The following PIBF1 variants were observed in gnomAD, a reference collection of about 807,000 sequenced individuals.
PIBF1 encodes progesterone-induced-blocking factor 1.
In PIBF1, 90 loss-of-function variants were observed where a neutral mutation model predicts 112.5. The ratio of observed to expected loss-of-function variants is 0.80; its 90% CI spans 0.67 to 0.95. The LOEUF (loss-of-function observed/expected upper bound fraction) is 0.95. Among genes scored for constraint, PIBF1 ranks in the 40% least tolerant of loss-of-function variants. The probability of loss-of-function intolerance (pLI) is 0.00; values close to 1 mark genes in which losing one functional copy is unlikely to be tolerated. For missense variants in PIBF1, 915 were observed against 852.3 expected (o/e 1.07, Z -0.92); for synonymous variants, 301 against 288.6 (o/e 1.04, Z -0.44).
At chr13:72,944,810 A>G (rs941525651) in intron 14 of PIBF1, among the ~76,000 whole-genome samples, 19 of 152,196 alleles carry the variant, frequency 1.2e-4, no homozygotes, top group African/African-American at 4.1e-4. Context: ...TCTCTTGCCC[A>G]GGCTGGAGTG....
chr13:72,995,690 G>A (rs967424042), intron 16 of PIBF1, among the ~76,000 whole-genome samples: 14 of 152,134 alleles, frequency 9.2e-5, no homozygotes, highest in African/African-American at 2.9e-4. Context: ...AGTGACTCAC[G>A]CCTGTAATCC....
intron 16 of PIBF1, among the ~76,000 whole-genome samples, chr13:72,985,395 C>T (rs1204079587): frequency 1.0e-5 from 1 of 95,880 alleles, no homozygotes; most frequent in East Asian, 3.2e-4. Context: ...AAAAAAAAAG[C>T]CAGGGCGGTG....
At chr13:72,952,690 T>C (rs2042334343) in intron 14 of PIBF1, among the ~76,000 whole-genome samples, 1 of 146,184 alleles carries the variant, frequency 6.8e-6, no homozygotes, top group Non-Finnish European at 1.5e-5. Context: ...TATGGTTTCT[T>C]AGCTAGCTTT....
intron 16 of PIBF1, among the ~76,000 whole-genome samples, chr13:72,977,897 G>T (rs538844196): frequency 3.9e-5 from 6 of 152,278 alleles, no homozygotes; most frequent in African/African-American, 1.4e-4. Context: ...ATTTCAGAAT[G>T]ATATAACGTG....
chr13:72,870,962 G>A lies in PIBF1; in HGVS notation c.1322+16807G>A, dbSNP rs1027727021. 2.6e-5 allele frequency among the ~76,000 whole-genome samples: 4 copies of A among 152,070 alleles called. No individual in the cohort carries two copies. The East Asian group carries it at 7.7e-4, about 29-fold the overall frequency. Reference sequence around the variant, plus strand: ...TTTATTTACTTCAGTGTGCAGTGAGGGCTGACATGATGAGATTTACATTTT... The same window carrying A: ...TTTATTTACTTCAGTGTGCAGTGAGAGCTGACATGATGAGATTTACATTTT... On this transcript the variant is annotated intron_variant, in intron 10 of 17. Transcript: ENST00000326291.
intron 5 of PIBF1, among the ~76,000 whole-genome samples, chr13:72,801,215 A>C (rs1209267158): frequency 1.3e-5 from 2 of 152,132 alleles, no homozygotes; most frequent in Non-Finnish European, 2.9e-5. Flanking sequence ...AAGAGGTCTG[A>C]CATGATCTGA....
intron 17 of PIBF1, among the ~76,000 whole-genome samples, chr13:73,013,922 C>G (rs2044305358): frequency 6.6e-6 from 1 of 151,976 alleles, no homozygotes; most frequent in Non-Finnish European, 1.5e-5. Flanking sequence ...AATTCTGTAC[C>G]CTGCAAAATT....
intron 9 of PIBF1, among the ~76,000 whole-genome samples, chr13:72,849,222 A>G (rs569041996): frequency 7.0e-4 from 107 of 152,368 alleles, no homozygotes; most frequent in Middle Eastern, 3.4e-3. Context: ...GTTGGAATCT[A>G]ACGTTAACTT....
chr13:72,961,969 GA>G (rs1472988772), intron 14 of PIBF1, among the ~76,000 whole-genome samples: 2 of 151,072 alleles, frequency 1.3e-5, no homozygotes, highest in African/African-American at 4.9e-5. Context: ...CTTCTATCCT[GA>G]AAAAAAATTA....
Position 72,972,003 on chromosome 13 carries a change from CATTTATTTATTT to C in PIBF1, c.1965-1551_1965-1540del, listed in dbSNP as rs67353309. Among the ~76,000 whole-genome samples, 253 of 138,784 alleles carry C rather than the reference CATTTATTTATTT, an allele frequency of 1.8e-3. 4 individuals carry two copies. Among genetic ancestry groups the C allele is most frequent in the Middle Eastern group, 0.011 (3 of 270 alleles). 91.0% of individuals were successfully genotyped at this position (138,784 alleles called of 152,430 possible). ...TATTATTCTAAAGATTAGTGGCTTT[CATTTATTTATTT>C]ATTTATTTATTTATTTATTTATTTA... is the stretch of plus-strand genomic sequence containing the variant. On this transcript the variant is annotated intron_variant, in intron 15 of 17. Transcript: ENST00000326291.
intron 16 of PIBF1, among the ~76,000 whole-genome samples, chr13:72,981,997 C>G (rs1469789324): frequency 6.6e-6 from 1 of 152,158 alleles, no homozygotes; most frequent in Non-Finnish European, 1.5e-5. Flanking sequence ...CCTCTAAACT[C>G]AGTTATCTCA....
chr13:72,941,215 G>C (rs969523740), intron 14 of PIBF1, among the ~76,000 whole-genome samples: 1 of 152,156 alleles, frequency 6.6e-6, no homozygotes, highest in Non-Finnish European at 1.5e-5. Flanking sequence ...TGTTTTATTA[G>C]TTGGTCCAGT....
chr13:72,928,203 A>G (rs71431549), intron 13 of PIBF1, among the ~76,000 whole-genome samples: 6 of 151,464 alleles, frequency 4.0e-5, no homozygotes, highest in Non-Finnish European at 5.9e-5. Flanking sequence ...AGTCATACTA[A>G]TACTCACGGT....
intron 9 of PIBF1, among the ~76,000 whole-genome samples, chr13:72,843,835 T>G (rs1004878595): frequency 6.6e-6 from 1 of 152,192 alleles, no homozygotes; most frequent in African/African-American, 2.4e-5. Flanking sequence ...CACTTAGCCC[T>G]CAGATTAGTA....
rs755888760 is a variant in PIBF1 at position 72,817,826 on chromosome 13, A to C, written c.673-4023A>C. The stretch of plus-strand genomic sequence containing the variant: ...ATAGTCATGGGGTTTATTTTGAGGG[A>C]AGATGCTATTTTTCCTGTTTCCAAT... On this transcript the variant is annotated intron_variant, in intron 5 of 17. Transcript: ENST00000326291. Among the ~76,000 whole-genome samples the C allele has an allele frequency of 3.3e-5, 5 of 152,246 alleles. No homozygotes were observed. In the East Asian group the frequency reaches 9.6e-4, roughly 29 times the overall value.
chr13:72,943,294 A>G (rs556317038), intron 14 of PIBF1, among the ~76,000 whole-genome samples: 1 of 152,300 alleles, frequency 6.6e-6, no homozygotes, highest in South Asian at 2.1e-4. Flanking sequence ...TAATTGCACA[A>G]TAGGATGACT....
intron 10 of PIBF1, among the ~76,000 whole-genome samples, chr13:72,866,592 TAAC>T (rs2038936551): frequency 6.6e-6 from 1 of 152,176 alleles, no homozygotes; most frequent in African/African-American, 2.4e-5. Context: ...TGACTTTTAA[TAAC>T]ATTCTTTAAG....
intron 17 of PIBF1, among the ~76,000 whole-genome samples, chr13:73,000,205 CTT>C (rs2043811671): frequency 6.6e-6 from 1 of 152,166 alleles, no homozygotes; most frequent in Non-Finnish European, 1.5e-5. Flanking sequence ...ATCAGCTTCT[CTT>C]TGTTTCTCCT....
chr13:72,821,667 C>T (rs2036562008), intron 5 of PIBF1, among the ~76,000 whole-genome samples, 182 bp from the exon 6 acceptor site: 1 of 152,172 alleles, frequency 6.6e-6, no homozygotes, highest in Admixed American at 6.6e-5. Context: ...ACAGACCACT[C>T]TGTGAACTTA....
Sources: gnomAD v4.1 joint callset for allele counts (sites outside exome capture counted in the v4.1 genomes callset) on GRCh38, gnomAD v4.1.1 for gene constraint, MANE v1.5 for transcripts, NCBI Gene and HGNC (gene_info 2026-07-23, HGNC 2026-07-21) for gene names.